The following LRFN5 variants were observed in gnomAD, a reference collection of about 807,000 sequenced individuals.
LRFN5 encodes leucine-rich repeat and fibronectin type-III domain-containing protein 5.
LRFN5 carries 24 observed loss-of-function variants against 45.6 expected under a neutral mutation model. That is an observed-to-expected ratio of 0.53 (90% confidence interval 0.38 to 0.74). The LOEUF (loss-of-function observed/expected upper bound fraction) is 0.74, where lower values mean the gene tolerates loss of function less well. LRFN5 is among the 30% of genes least tolerant of loss of function. The pLI is 0.00. For missense variants in LRFN5, 776 were observed against 861.5 expected (o/e 0.90, Z 1.24); for synonymous variants, 340 against 313.8 (o/e 1.08, Z -0.88).
intron 2 of LRFN5, among the ~76,000 whole-genome samples, chr14:41,819,000 G>C (rs1014398761): frequency 2.6e-5 from 4 of 152,110 alleles, no homozygotes; most frequent in African/African-American, 9.7e-5. Context: ...GTACTTGGCT[G>C]TGTTTTTGAG....
chr14:41,770,902 G>A (rs557032208), intron 2 of LRFN5, among the ~76,000 whole-genome samples: 5 of 151,978 alleles, frequency 3.3e-5, no homozygotes, highest in African/African-American at 7.2e-5. Context: ...TCTCTGTGAG[G>A]AGCTCCACTC....
At position 41,795,793 on chromosome 14, in the gene LRFN5, G is replaced by C. The variant is rs571310095; in HGVS notation, c.-21+28764G>C. 1.2e-4 allele frequency among the ~76,000 whole-genome samples: 18 copies of C among 151,974 alleles called. No homozygotes were observed. In the South Asian group the frequency reaches 3.7e-3, roughly 32 times the overall value. On this transcript the variant is annotated intron_variant, in intron 2 of 5. Transcript: ENST00000298119. Reference sequence around the variant, plus strand: ...GCCTGTCGTAGGTTGGGGGGAGGGGGGAGGAATAGCATTAGAAGAAATAAC... The same window carrying C: ...GCCTGTCGTAGGTTGGGGGGAGGGGCGAGGAATAGCATTAGAAGAAATAAC...
At chr14:41,854,874 C>T (rs757871474) in intron 2 of LRFN5, among the ~76,000 whole-genome samples, 9 of 152,106 alleles carry the variant, frequency 5.9e-5, no homozygotes, top group Non-Finnish European at 1.0e-4. Flanking sequence ...CATCTCTGAT[C>T]GATAAAACAA....
intron 2 of LRFN5, among the ~76,000 whole-genome samples, chr14:41,812,197 A>G (rs191543106): frequency 1.2e-4 from 19 of 152,206 alleles, no homozygotes; most frequent in Admixed American, 3.9e-4. Context: ...ATGTACTTGT[A>G]TATATTCCAA....
intron 2 of LRFN5, among the ~76,000 whole-genome samples, chr14:41,853,382 G>A (rs1391232239): frequency 4.0e-5 from 6 of 151,850 alleles, no homozygotes; most frequent in African/African-American, 1.5e-4. Flanking sequence ...ATAGAGTCTT[G>A]GTCTAGGGAA....
rs1227143530 is a variant in LRFN5, at chr14:41,740,928, A to T, written c.-196-25926A>T. Among the ~76,000 whole-genome samples, 6 of 152,060 alleles carry T rather than the reference A, an allele frequency of 3.9e-5. No homozygotes were observed. The East Asian group carries it at 1.2e-3, about 29-fold the overall frequency. On this transcript the variant is annotated intron_variant, in intron 1 of 5. Transcript: ENST00000298119. ...AAAAGAGTACTATTTCTATAAACTA[A>T]CAACAAACTATCCAAAAAGAAATCA...
At chr14:41,796,393 G>A (rs1207108157) in intron 2 of LRFN5, among the ~76,000 whole-genome samples, 2 of 151,854 alleles carry the variant, frequency 1.3e-5, no homozygotes, top group Admixed American at 6.6e-5. Context: ...TGGTAGATAA[G>A]CAAATAAGTT....
chr14:41,888,122 A>T (rs1319902808), intron 3 of LRFN5, 112 bp downstream of exon 3: 2 of 795,398 alleles, frequency 2.5e-6, no homozygotes, highest in Admixed American at 6.1e-5. Flanking sequence ...GTAATTCCAT[A>T]TTTTAAAGTG....
At chr14:41,780,237 T>C (rs903325359) in intron 2 of LRFN5, among the ~76,000 whole-genome samples, 1 of 152,018 alleles carries the variant, frequency 6.6e-6, no homozygotes, top group Non-Finnish European at 1.5e-5. Context: ...TTTCAAGCTA[T>C]CTTTCTGTTA....
chr14:41,873,601 G>A (rs1025469546), intron 2 of LRFN5, among the ~76,000 whole-genome samples: 1 of 151,874 alleles, frequency 6.6e-6, no homozygotes, highest in African/African-American at 2.4e-5. Context: ...TTCTGTATGT[G>A]GGTATGCCTT....
At chr14:41,756,022 T>C (rs1221191457) in intron 1 of LRFN5, among the ~76,000 whole-genome samples, 1 of 152,216 alleles carries the variant, frequency 6.6e-6, no homozygotes, top group Non-Finnish European at 1.5e-5. Context: ...CCTTCACTTA[T>C]GAAGCTTAGT....
intron 2 of LRFN5, among the ~76,000 whole-genome samples, chr14:41,881,665 C>T (rs1890385082): frequency 6.6e-6 from 1 of 152,012 alleles, no homozygotes; most frequent in Admixed American, 6.6e-5. Context: ...ATACTTTTCC[C>T]TCAGATCTAA....
intron 2 of LRFN5, among the ~76,000 whole-genome samples, chr14:41,793,427 A>G (rs189691873): frequency 6.6e-6 from 1 of 152,240 alleles, no homozygotes; most frequent in East Asian, 1.9e-4. Context: ...GTAAAATTTC[A>G]TAATATTGTA....
intron 1 of LRFN5, among the ~76,000 whole-genome samples, chr14:41,730,619 T>C (rs1884130263): frequency 6.6e-6 from 1 of 151,934 alleles, no homozygotes; most frequent in African/African-American, 2.4e-5. Context: ...TTAACACATA[T>C]TATATAATTT....
chr14:41,859,029 A>G (rs745784438), intron 2 of LRFN5, among the ~76,000 whole-genome samples: 51 of 152,276 alleles, frequency 3.3e-4, no homozygotes, highest in Non-Finnish European at 4.7e-4. Context: ...TGTTTTGGAA[A>G]ATGTATATTA....
chr14:41,833,134 C>T (rs770278530), intron 2 of LRFN5, among the ~76,000 whole-genome samples: 2 of 152,132 alleles, frequency 1.3e-5, no homozygotes, highest in Non-Finnish European at 2.9e-5. Context: ...ACAGATAAGC[C>T]TTGATAAGTA....
At chr14:41,646,919 A>G (rs1879844395) in intron 1 of LRFN5, among the ~76,000 whole-genome samples, 1 of 152,212 alleles carries the variant, frequency 6.6e-6, no homozygotes, top group African/African-American at 2.4e-5. Context: ...GGGTGCTTCC[A>G]TCTTGAGCAT....
chr14:41,755,667 A>G (rs1179096669), intron 1 of LRFN5, among the ~76,000 whole-genome samples: 1 of 152,134 alleles, frequency 6.6e-6, no homozygotes, highest in Non-Finnish European at 1.5e-5. Flanking sequence ...GTCTCTGCAC[A>G]TGAGATGTGT....
chr14:41,663,397 A>G (rs1256914456), intron 1 of LRFN5, among the ~76,000 whole-genome samples: 1 of 152,086 alleles, frequency 6.6e-6, no homozygotes, highest in East Asian at 1.9e-4. Context: ...AGGTATAGAA[A>G]GAGCCTCACA....
Sources: allele counts gnomAD v4.1 joint callset (sites outside exome capture counted in the v4.1 genomes callset), GRCh38; gene constraint gnomAD v4.1.1; transcripts MANE v1.5; gene names NCBI Gene and HGNC (gene_info 2026-07-23, HGNC 2026-07-21).